STXBP5L: variants seen among roughly 807,000 people sequenced by gnomAD.
STXBP5L encodes syntaxin binding protein 5L.
Under a neutral mutation model 144.5 loss-of-function variants are expected in STXBP5L, and 65 were observed. The observed-to-expected ratio is 0.45, with a 90% CI of 0.37 to 0.55. The LOEUF (loss-of-function observed/expected upper bound fraction) is 0.55. STXBP5L is among the 20% of genes least tolerant of loss of function. STXBP5L has a pLI of 0.00. For synonymous variants in STXBP5L, 505 were observed against 469.6 expected (o/e 1.08, Z -0.97); for missense variants, 1,298 against 1,405.5 (o/e 0.92, Z 1.22).
At chr3:121,351,289 C>A (rs745851935) in intron 20 of STXBP5L, among the ~76,000 whole-genome samples, 6 of 152,078 alleles carry the variant, frequency 3.9e-5, no homozygotes, top group Admixed American at 1.3e-4. Flanking sequence ...TGGTGAACAG[C>A]AAATGTGGCT....
chr3:120,983,351 G>T (rs985662724), intron 3 of STXBP5L, among the ~76,000 whole-genome samples: 2 of 152,124 alleles, frequency 1.3e-5, no homozygotes, highest in African/African-American at 4.8e-5. Context: ...AAGCAGTTAT[G>T]GGGTGCTCAG....
intron 5 of STXBP5L, among the ~76,000 whole-genome samples, chr3:121,110,605 C>G (rs958625726): frequency 1.3e-5 from 2 of 152,174 alleles, no homozygotes; most frequent in Non-Finnish European, 2.9e-5. Flanking sequence ...TGCTGTTAGT[C>G]TGATGGACTT....
intron 3 of STXBP5L, among the ~76,000 whole-genome samples, chr3:120,978,593 T>G (rs1240492519): frequency 6.6e-6 from 1 of 152,266 alleles, no homozygotes; most frequent in African/African-American, 2.4e-5. Context: ...GGTGAGGAAC[T>G]GCATTCCTTT....
chr3:121,303,258 C>T (rs1399118386), intron 19 of STXBP5L, among the ~76,000 whole-genome samples: 1 of 152,130 alleles, frequency 6.6e-6, no homozygotes, highest in Non-Finnish European at 1.5e-5. Context: ...ATTTACACAG[C>T]CAAAAGACAC....
chr3:121,147,101 C>T (rs898398591), intron 7 of STXBP5L, among the ~76,000 whole-genome samples: 4 of 151,990 alleles, frequency 2.6e-5, no homozygotes, highest in African/African-American at 9.7e-5. Context: ...ACATGATTAA[C>T]AACTTAACCA....
chr3:121,179,673 G>T lies in STXBP5L; in HGVS notation c.877+22046G>T, dbSNP rs191036627. Among the ~76,000 whole-genome samples, 461 of 151,930 alleles carry T rather than the reference G, an allele frequency of 3.0e-3. 3 individuals carry two copies. Among genetic ancestry groups the T allele is most frequent in the African/African-American group, 0.01 (430 of 41,460 alleles). On this transcript the variant is annotated intron_variant, in intron 9 of 26. Coordinates refer to ENST00000471454, the MANE Select transcript of STXBP5L (RefSeq NM_001308330.2). ...AGAGAAAGGTGAAAACGAACTTAAA[G>T]AAATTAAAAAATATATGTAGGATAT...
intron 3 of STXBP5L, among the ~76,000 whole-genome samples, chr3:120,982,488 T>G (rs192384422): frequency 6.6e-6 from 1 of 152,320 alleles, no homozygotes; most frequent in Admixed American, 6.5e-5. Flanking sequence ...TCCATTTCCC[T>G]GTTATACCCC....
At chr3:120,987,028 A>G (rs1296919139) in intron 3 of STXBP5L, among the ~76,000 whole-genome samples, 2 of 151,982 alleles carry the variant, frequency 1.3e-5, no homozygotes, top group East Asian at 3.8e-4. Context: ...ATTTGAAGAA[A>G]TAATGACCAA....
rs373262654 is a variant in STXBP5L at position 121,344,170 on chromosome 3, T to G, written c.2176+25630T>G. 3.9e-5 allele frequency among the ~76,000 whole-genome samples: 6 copies of G among 152,198 alleles called. No homozygotes were observed. In the East Asian group the frequency reaches 1.2e-3, roughly 29 times the overall value. ...GGGAAAGGATTCCGTATTTAATAAATGGTGCTGGGAAAACTGGCTAGCCAT... is the reference window on the plus strand; with the variant it reads ...GGGAAAGGATTCCGTATTTAATAAAGGGTGCTGGGAAAACTGGCTAGCCAT... On this transcript the variant is annotated intron_variant, in intron 20 of 26. Coordinates refer to ENST00000471454, the MANE Select transcript of STXBP5L (RefSeq NM_001308330.2).
intron 20 of STXBP5L, among the ~76,000 whole-genome samples, chr3:121,374,827 G>A (rs1257920869): frequency 6.6e-6 from 1 of 151,838 alleles, no homozygotes; most frequent in East Asian, 1.9e-4. Flanking sequence ...GAATGAGAAG[G>A]AATTAGGAAA....
intron 3 of STXBP5L, among the ~76,000 whole-genome samples, chr3:120,961,521 G>A (rs1938815510): frequency 6.6e-6 from 1 of 152,154 alleles, no homozygotes; most frequent in East Asian, 1.9e-4. Context: ...AGAACACGCA[G>A]TGTTTGGTTT....
intron 20 of STXBP5L, among the ~76,000 whole-genome samples, chr3:121,324,239 C>T (rs766595243): frequency 5.3e-5 from 8 of 152,072 alleles, no homozygotes; most frequent in Non-Finnish European, 1.0e-4. Context: ...AGAGCTTGGT[C>T]TTACAGCCTA....
intron 9 of STXBP5L, among the ~76,000 whole-genome samples, chr3:121,191,548 G>A (rs574291157): frequency 6.6e-6 from 1 of 152,106 alleles, no homozygotes. Flanking sequence ...GAGGGAGAGG[G>A]AGAGGGAGAG....
intron 3 of STXBP5L, among the ~76,000 whole-genome samples, chr3:120,960,325 T>C (rs1362461914): frequency 6.6e-6 from 1 of 152,150 alleles, no homozygotes; most frequent in African/African-American, 2.4e-5. Context: ...TGTAAACTAG[T>C]TCAACCATTG....
chr3:121,096,839 C>A (rs1273074411), intron 5 of STXBP5L, among the ~76,000 whole-genome samples: 1 of 152,108 alleles, frequency 6.6e-6, no homozygotes, highest in Non-Finnish European at 1.5e-5. Context: ...TCCACTTGAG[C>A]AGGCAGTCTG....
At chr3:121,203,399 T>C (rs917777469) in intron 9 of STXBP5L, among the ~76,000 whole-genome samples, 3 of 152,176 alleles carry the variant, frequency 2.0e-5, no homozygotes, top group Non-Finnish European at 4.4e-5. Context: ...TTATCACTCA[T>C]TTCATTATAG....
chr3:121,162,712 A>G (rs1419070362), intron 9 of STXBP5L, among the ~76,000 whole-genome samples: 3 of 152,284 alleles, frequency 2.0e-5, no homozygotes, highest in East Asian at 3.9e-4. Flanking sequence ...AGGAATTTAA[A>G]CACATTTACA....
At chr3:121,207,759 A>T (rs1457086163) in intron 10 of STXBP5L, among the ~76,000 whole-genome samples, 6 of 152,236 alleles carry the variant, frequency 3.9e-5, no homozygotes, top group Non-Finnish European at 7.3e-5. Context: ...CCATCAGAGA[A>T]ATGCAAATCA....
At chr3:120,963,606 A>G (rs887434501) in intron 3 of STXBP5L, among the ~76,000 whole-genome samples, 3 of 152,202 alleles carry the variant, frequency 2.0e-5, no homozygotes, top group African/African-American at 7.2e-5. Context: ...CCAGTCTTGC[A>G]TCCCAGGGAT....
Sources: gnomAD v4.1 joint callset for allele counts (sites outside exome capture counted in the v4.1 genomes callset) on GRCh38, gnomAD v4.1.1 for gene constraint, MANE v1.5 for transcripts, NCBI Gene and HGNC (gene_info 2026-07-23, HGNC 2026-07-21) for gene names.